The following FCHSD2 variants were observed in gnomAD, a reference collection of about 807,000 sequenced individuals.
FCHSD2 encodes F-BAR and double SH3 domains protein 2.
A neutral mutation model predicts 108.1 loss-of-function variants in FCHSD2; 38 were observed. That is an observed-to-expected ratio of 0.35 (90% CI 0.27 to 0.46). FCHSD2 has a LOEUF of 0.46. Among genes scored for constraint, FCHSD2 ranks in the 20% least tolerant of loss-of-function variants. The pLI, the probability that FCHSD2 is intolerant of heterozygous loss-of-function variation, is 1.00. For missense variants in FCHSD2, 751 were observed against 897.8 expected, an observed-to-expected ratio of 0.84 and a Z score of 2.09; for synonymous variants, 279 against 314.7, an observed-to-expected ratio of 0.89 and a Z score of 1.20.
chr11:73,027,745 G>A (rs943439159), intron 3 of FCHSD2, among the ~76,000 whole-genome samples: 3 of 152,260 alleles, frequency 2.0e-5, no homozygotes, highest in Non-Finnish European at 4.4e-5. Context: ...AAGGAAAAAT[G>A]GTTTTGTAGC....
At chr11:72,902,879 G>C (rs894175716) in intron 9 of FCHSD2, among the ~76,000 whole-genome samples, 1 of 152,072 alleles carries the variant, frequency 6.6e-6, no homozygotes, top group Non-Finnish European at 1.5e-5. Flanking sequence ...ATCAGATTTG[G>C]GGACTGGACA....
intron 5 of FCHSD2, among the ~76,000 whole-genome samples, chr11:73,000,160 T>C (rs1473382857): frequency 6.6e-6 from 1 of 152,142 alleles, no homozygotes; most frequent in Non-Finnish European, 1.5e-5. Flanking sequence ...GTGGGAAAGG[T>C]GTTTGTAAAA....
chr11:72,905,791 G>C (rs528171013), intron 9 of FCHSD2, among the ~76,000 whole-genome samples: 1 of 152,316 alleles, frequency 6.6e-6, no homozygotes, highest in East Asian at 1.9e-4. Context: ...TGGCTGCATA[G>C]TATTCCATGG....
chr11:72,931,125 G>A lies in FCHSD2; in HGVS notation c.706-9175C>T, dbSNP rs534084759. ...TTTTTTTTTTTTTTGAAAAGGAGTC[G>A]CGCTGTGTCACCTAGGCTGGAGTGT... On this transcript the variant is annotated intron_variant, in intron 8 of 19. Transcript: ENST00000409418. Among the ~76,000 whole-genome samples, 30 of 146,852 alleles carry A rather than the reference G, an allele frequency of 2.0e-4. 1 individual carries two copies. The highest frequency in any genetic ancestry group is 3.8e-4 in the African/African-American group (15 of 39,808).
intron 2 of FCHSD2, among the ~76,000 whole-genome samples, chr11:73,124,743 G>A (rs1294183412): frequency 2.0e-5 from 3 of 150,986 alleles, no homozygotes; most frequent in African/African-American, 7.3e-5. Context: ...GCAACAGAGT[G>A]AGACTCTGTC....
intron 3 of FCHSD2, among the ~76,000 whole-genome samples, chr11:73,066,698 A>G (rs1329566045): frequency 6.6e-6 from 1 of 152,276 alleles, no homozygotes; most frequent in Non-Finnish European, 1.5e-5. Context: ...AGTTCTCAAA[A>G]GAAGACATTT....
chr11:72,863,258 G>A (rs1248512744), intron 13 of FCHSD2, among the ~76,000 whole-genome samples: 2 of 151,850 alleles, frequency 1.3e-5, no homozygotes, highest in Non-Finnish European at 2.9e-5. Flanking sequence ...TGATGCAAAG[G>A]CAATTCAGTG....
chr11:72,970,305 A>G (rs745828267), intron 8 of FCHSD2, among the ~76,000 whole-genome samples: 1 of 152,174 alleles, frequency 6.6e-6, no homozygotes, highest in Non-Finnish European at 1.5e-5. Flanking sequence ...ACCAAAACCT[A>G]ACAGTCTACA....
intron 14 of FCHSD2, among the ~76,000 whole-genome samples, chr11:72,846,401 C>T (rs1368509814): frequency 3.3e-5 from 5 of 152,052 alleles, no homozygotes; most frequent in East Asian, 3.9e-4. Context: ...AGGCTGGTCT[C>T]GAACTCCTGA....
intron 8 of FCHSD2, among the ~76,000 whole-genome samples, chr11:72,951,425 A>G (rs924414096): frequency 2.0e-5 from 3 of 152,230 alleles, no homozygotes; most frequent in Non-Finnish European, 4.4e-5. Context: ...ACGCAGCTCT[A>G]GGGCAGAGTT....
intron 10 of FCHSD2, 47 bp from the exon 11 acceptor site, chr11:72,889,992 G>T: frequency 8.4e-7 from 1 of 1,185,874 alleles, no homozygotes; most frequent in Non-Finnish European, 1.2e-6. Context: ...TATCCTTATT[G>T]TAACCACTAC....
chr11:73,096,987 A>T (rs1415748397), intron 2 of FCHSD2, among the ~76,000 whole-genome samples: 97 of 27,036 alleles, frequency 3.6e-3, no homozygotes, highest in Admixed American at 6.7e-3. Context: ...TCATTGATGG[A>T]TTTTTTTTTT....
Position 72,903,472 on chromosome 11 carries a change from G to A in FCHSD2, c.829-834C>T, listed in dbSNP as rs531749373. Among the ~76,000 whole-genome samples, 4 of 152,244 alleles carry A rather than the reference G, an allele frequency of 2.6e-5. No individual in the cohort carries two copies. In the East Asian group the frequency reaches 5.8e-4, roughly 22 times the overall value. On this transcript the variant is annotated intron_variant, in intron 9 of 19. Transcript: ENST00000409418. The stretch of plus-strand genomic sequence containing the variant: ...CTGACCTCGTGATCCACCGGCCTCG[G>A]CCTCCTAAAGTGCTGGGATTACAGG...
At chr11:72,886,874 T>C (rs1855208958) in intron 12 of FCHSD2, among the ~76,000 whole-genome samples, 1 of 152,292 alleles carries the variant, frequency 6.6e-6, no homozygotes, top group Non-Finnish European at 1.5e-5. Context: ...ACACAAAATG[T>C]ACATTTTTGT....
intron 8 of FCHSD2, among the ~76,000 whole-genome samples, chr11:72,924,659 T>C (rs1282273978): frequency 6.6e-6 from 1 of 151,776 alleles, no homozygotes; most frequent in East Asian, 1.9e-4. Context: ...TTGTATCTTA[T>C]GTTTGGCTGT....
chr11:73,096,356 C>T lies in FCHSD2; in HGVS notation c.120-12616G>A, dbSNP rs182652041. On this transcript the variant is annotated intron_variant, in intron 2 of 19. Transcript: ENST00000409418. ...AGGAGTTCGAGACCAGCCTGGCCAA[C>T]ATGTTGAAACCCTGCCTCTACAAAA... Among the ~76,000 whole-genome samples, 497 of 104,098 alleles carry T rather than the reference C, an allele frequency of 4.8e-3. 1 individual carries two copies. The highest frequency in any genetic ancestry group is 0.018 in the African/African-American group (471 of 25,980). 68.3% of individuals were successfully genotyped at this position (104,098 alleles called of 152,430 possible).
chr11:72,882,260 G>A (rs574969304), intron 12 of FCHSD2, among the ~76,000 whole-genome samples: 1 of 151,654 alleles, frequency 6.6e-6, no homozygotes, highest in Non-Finnish European at 1.5e-5. Flanking sequence ...GGCCAACATG[G>A]TAAAACCCTG....
Position 72,898,343 on chromosome 11 carries a change from A to C in FCHSD2, c.924+4200T>G, listed in dbSNP as rs77557631. Among the ~76,000 whole-genome samples the C allele has an allele frequency of 5.0e-3, 759 of 152,366 alleles. 5 individuals carry two copies. Among genetic ancestry groups the C allele is most frequent in the African/African-American group, 0.017 (723 of 41,588 alleles). ...ACTTTCCTAACTATATCTTACGTAAATTTAGATAAAATATTTGCTGAATTC... is the reference window on the plus strand; with the variant it reads ...ACTTTCCTAACTATATCTTACGTAACTTTAGATAAAATATTTGCTGAATTC... On this transcript the variant is annotated intron_variant, in intron 10 of 19. Coordinates refer to ENST00000409418, the MANE Select transcript of FCHSD2 (RefSeq NM_014824.3).
chr11:73,041,169 T>G (rs529312933), intron 3 of FCHSD2, among the ~76,000 whole-genome samples: 1 of 152,372 alleles, frequency 6.6e-6, no homozygotes, highest in South Asian at 2.1e-4. Flanking sequence ...TTGGCTACTA[T>G]GAATAGTGCT....
Sources: gnomAD v4.1 joint callset for allele counts (sites outside exome capture counted in the v4.1 genomes callset) on GRCh38, gnomAD v4.1.1 for gene constraint, MANE v1.5 for transcripts, NCBI Gene and HGNC (gene_info 2026-07-23, HGNC 2026-07-21) for gene names.